Variants in KIF1B observed in about 807,000 individuals in gnomAD.
The protein encoded by KIF1B is kinesin-like protein KIF1B.
In KIF1B, 76 loss-of-function variants were observed where a neutral mutation model predicts 241.9. That is an observed-to-expected ratio of 0.31 (90% CI 0.26 to 0.38). KIF1B has a LOEUF of 0.38. Among genes scored for constraint, KIF1B ranks in the 10% least tolerant of loss-of-function variants. The probability of loss-of-function intolerance (pLI) is 1.00; values close to 1 mark genes in which losing one functional copy is unlikely to be tolerated. For synonymous variants in KIF1B, 750 were observed against 796.7 expected (o/e 0.94, Z 0.99); for missense variants, 1,622 against 2,271.4 (o/e 0.71, Z 5.81).
At chr1:10,335,629 T>G (rs529856429) in intron 28 of KIF1B, among the ~76,000 whole-genome samples, 104 of 152,216 alleles carry the variant, frequency 6.8e-4, no homozygotes, top group African/African-American at 1.4e-3. Flanking sequence ...GTTGTTGTTT[T>G]TTTGTTTGTT....
chr1:10,333,867 G>A (rs1262132414), intron 27 of KIF1B, among the ~76,000 whole-genome samples: 1 of 150,336 alleles, frequency 6.7e-6, no homozygotes, highest in Non-Finnish European at 1.5e-5. Flanking sequence ...AAAAGGTTAA[G>A]CTCGCCTGGG....
intron 22 of KIF1B, chr1:10,304,373 G>A (rs764458505): frequency 9.4e-5 from 152 of 1,614,070 alleles, no homozygotes; most frequent in Non-Finnish European, 1.2e-4. Flanking sequence ...AAAAGTACGC[G>A]CTGCCAGGCA....
intron 1 of KIF1B, among the ~76,000 whole-genome samples, chr1:10,217,827 A>G (rs761316292): frequency 3.3e-5 from 5 of 151,702 alleles, no homozygotes; most frequent in Non-Finnish European, 7.4e-5. Flanking sequence ...TACATTCTCG[A>G]TTCTCTATAC....
chr1:10,329,404 AT>A, intron 27 of KIF1B, among the ~76,000 whole-genome samples: 1 of 152,310 alleles, frequency 6.6e-6, no homozygotes, highest in Non-Finnish European at 1.5e-5. Flanking sequence ...GATTTCTCCT[AT>A]TGGCATATAA....
At chr1:10,282,109 T>G (rs1287551291) in intron 14 of KIF1B, among the ~76,000 whole-genome samples, 1 of 152,246 alleles carries the variant, frequency 6.6e-6, no homozygotes, top group African/African-American at 2.4e-5. Context: ...CAGAAATGAT[T>G]CTGAACCTGT....
At chr1:10,316,586 C>T (rs1407582450) in intron 22 of KIF1B, among the ~76,000 whole-genome samples, 5 of 151,108 alleles carry the variant, frequency 3.3e-5, no homozygotes, top group South Asian at 2.1e-4. Context: ...CTGCACCCTC[C>T]GCCTCCCGGG....
chr1:10,305,153 T>G (rs1378004122), intron 22 of KIF1B: 4 of 1,048,948 alleles, frequency 3.8e-6, no homozygotes, highest in Non-Finnish European at 3.5e-6. Flanking sequence ...GTCTGTTCCC[T>G]TCTTTAAATA....
chr1:10,308,072 A>G, intron 22 of KIF1B: 1 of 1,060,296 alleles, frequency 9.4e-7, no homozygotes, highest in Non-Finnish European at 1.1e-6. Flanking sequence ...TCTGCATTAA[A>G]GGCTGTTTTA....
intron 1 of KIF1B, among the ~76,000 whole-genome samples, chr1:10,221,572 T>G (rs1394977838): frequency 2.0e-5 from 3 of 152,136 alleles, no homozygotes; most frequent in Non-Finnish European, 4.4e-5. Flanking sequence ...AGCACAGTGT[T>G]AGGTCCGAAA....
rs777262879 is a variant in KIF1B, at chr1:10,348,749, C to T, written c.3949+16C>T. On this transcript the variant is annotated intron_variant, in intron 37 of 48. Transcript: ENST00000676179. ...CTGGTGGTAGGTGAGTACGTTTCAT[C>T]AGCCAAGGATAGAACCAGGACTTAC... is the stretch of plus-strand genomic sequence containing the variant. 2 of 1,597,476 alleles carry T rather than the reference C, an allele frequency of 1.3e-6. No homozygotes were observed. The highest frequency in any genetic ancestry group is 1.7e-6 in the Non-Finnish European group (2 of 1,165,176).
Position 10,268,239 on chromosome 1 carries a change from T to G in KIF1B, c.696T>G (p.Asn232Lys). Residue 232 changes from asparagine to lysine, a missense_variant, in exon 7 of 49, where the codon AAT (asparagine) becomes AAG (lysine). Physicochemically the swap from Asn to Lys is moderately conservative, Grantham distance 94. Transcript: ENST00000676179. ...TTTTCACCCAGAAGAAACACGATAATGAGACCAACCTTTCCACTGAGAAGG... is the reference window on the plus strand; with the variant it reads ...TTTTCACCCAGAAGAAACACGATAAGGAGACCAACCTTTCCACTGAGAAGG... ...TIVFTQKKHD[N>K]ETNLSTEKVS... The G allele has an allele frequency of 6.2e-7, 1 of 1,611,818 alleles. No individual in the cohort carries two copies. The highest frequency in any genetic ancestry group is 8.5e-7 in the Non-Finnish European group (1 of 1,177,886).
At position 10,303,074 on chromosome 1, in the gene KIF1B, T is replaced by C; in HGVS notation, c.2115+5828T>C. ...ATTTTTAAATTTGGTTAAGGCTTTT[T>C]TGCTTGCTTTTTCTTCGATTTAATT... is the stretch of plus-strand genomic sequence containing the variant. On this transcript the variant is annotated intron_variant, in intron 22 of 48. Transcript: ENST00000676179. The surrounding 1 kb of genome is among the most constrained non-coding windows in gnomAD (Gnocchi z 5.2). 6.8e-7 allele frequency: 1 copy of C among 1,480,904 alleles called. No individual in the cohort carries two copies. Among genetic ancestry groups the C allele is most frequent in the South Asian group, 1.3e-5 (1 of 76,530 alleles). 91.7% of individuals were successfully genotyped at this position (1,480,904 alleles called of 1,614,324 possible).
chr1:10,248,435 A>G (rs928829231), intron 2 of KIF1B, among the ~76,000 whole-genome samples: 1 of 152,156 alleles, frequency 6.6e-6, no homozygotes, highest in Non-Finnish European at 1.5e-5. Flanking sequence ...TCCTGGGCTC[A>G]AGTGATCCTC....
At position 10,374,276 on chromosome 1, in the gene KIF1B, C is replaced by G. The variant is rs1482313931; in HGVS notation, c.4947-40C>G. The G allele has an allele frequency of 6.2e-6, 10 of 1,601,374 alleles. No individual in the cohort carries two copies. Among genetic ancestry groups the G allele is most frequent in the Non-Finnish European group, 8.6e-6 (10 of 1,168,548 alleles). ...CAGTATGCCTTGATTGTAACTGATT[C>G]TCTTGTTACCCTTTTCTTTCTAATC... On this transcript the variant is annotated intron_variant, in intron 45 of 48. Coordinates refer to ENST00000676179, the MANE Select transcript of KIF1B (RefSeq NM_001365951.3). This position sits in a 1 kb window ranked among gnomAD's most constrained non-coding sequence, Gnocchi z 4.3.
In KIF1B at chr1:10,276,382, G is replaced by A. The variant is rs752830522; in HGVS notation, c.1020G>A (p.Glu340=). The A allele has an allele frequency of 1.2e-6, 2 of 1,613,420 alleles. No individual in the cohort carries two copies. Among genetic ancestry groups the A allele is most frequent in the Admixed American group, 1.7e-5 (1 of 59,976 alleles). ...GCCCCGCGGATATCAACTACGATGA[G>A]ACTTTGAGCACTCTGAGGTACTTTC... ...ALSPADINYD[E]TLSTLRYADR... Residue 340 remains glutamate, a synonymous_variant, in exon 12 of 49, where the codon GAG becomes GAA. Coordinates refer to ENST00000676179, the MANE Select transcript of KIF1B (RefSeq NM_001365951.3).
At chr1:10,350,995 G>A (rs1156240493) in intron 37 of KIF1B, among the ~76,000 whole-genome samples, 1 of 150,910 alleles carries the variant, frequency 6.6e-6, no homozygotes, top group Non-Finnish European at 1.5e-5. Flanking sequence ...GGCTGAGGCT[G>A]GAAGCTTGCT....
In KIF1B at chr1:10,374,513, C is replaced by T. The variant is rs369531371; in HGVS notation, c.5096+48C>T. The T allele has an allele frequency of 4.4e-6, 7 of 1,596,408 alleles. No homozygotes were observed. The South Asian group carries it at 5.5e-5, about 13-fold the overall frequency. On this transcript the variant is annotated intron_variant, in intron 46 of 48. Transcript: ENST00000676179. The surrounding 1 kb of genome is among the most constrained non-coding windows in gnomAD (Gnocchi z 4.3). ...ATGCCAGCTATAAAAAACAAATCCA[C>T]AGGAAGAAGTGACTGGCCAGCTCTT... is the stretch of plus-strand genomic sequence containing the variant.
chr1:10,219,327 G>T (rs1646809852), intron 1 of KIF1B, among the ~76,000 whole-genome samples: 1 of 152,036 alleles, frequency 6.6e-6, no homozygotes, highest in Admixed American at 6.6e-5. Context: ...GGGCATGGTG[G>T]TGCATGCCTG....
chr1:10,223,546 G>GTTTT (rs113574017), intron 1 of KIF1B, among the ~76,000 whole-genome samples: 27 of 131,286 alleles, frequency 2.1e-4, no homozygotes, highest in Non-Finnish European at 3.2e-4. Flanking sequence ...GTTTTGTTTT[G>GTTTT]TTTTTTTTTT....
Sources: allele counts gnomAD v4.1 joint callset (sites outside exome capture counted in the v4.1 genomes callset), GRCh38; gene constraint gnomAD v4.1.1; non-coding constraint Gnocchi (gnomAD v3.1); transcripts MANE v1.5; gene names NCBI Gene and HGNC (gene_info 2026-07-23, HGNC 2026-07-21).